MLLT10: variants seen among roughly 807,000 people sequenced by gnomAD.
MLLT10 encodes the protein protein AF-10.
Under a neutral mutation model 129.1 loss-of-function variants are expected in MLLT10, and 30 were observed. That is an observed-to-expected ratio of 0.23 (90% CI 0.17 to 0.32). MLLT10 has a LOEUF of 0.32. Among genes scored for constraint, MLLT10 ranks in the 10% least tolerant of loss-of-function variants. The pLI is 1.00. For missense variants in MLLT10, 1,119 were observed against 1,268.3 expected (o/e 0.88, Z 1.79); for synonymous variants, 490 against 446.4 (o/e 1.10, Z -1.23).
intron 8 of MLLT10, among the ~76,000 whole-genome samples, chr10:21,632,379 T>G (rs527508258): frequency 6.6e-6 from 1 of 152,320 alleles, no homozygotes; most frequent in African/African-American, 2.4e-5. Flanking sequence ...TATCTAATTA[T>G]AGCATCATGG....
At chr10:21,660,921 A>G (rs1375779953) in intron 9 of MLLT10, among the ~76,000 whole-genome samples, 1 of 151,054 alleles carries the variant, frequency 6.6e-6, no homozygotes, top group Non-Finnish European at 1.5e-5. Flanking sequence ...CTTCTTTTCT[A>G]ATATATTCAT....
intron 3 of MLLT10, among the ~76,000 whole-genome samples, chr10:21,561,461 A>G (rs917605079): frequency 1.3e-5 from 2 of 152,124 alleles, no homozygotes; most frequent in African/African-American, 4.8e-5. Context: ...GGGTTTTACC[A>G]TGTTAGCCAG....
chr10:21,726,484 T>C (rs1431979616), intron 15 of MLLT10, 129 bp downstream of exon 15: 3 of 544,330 alleles, frequency 5.5e-6, no homozygotes, highest in Non-Finnish European at 9.4e-6. Context: ...TTTAAAAAAA[T>C]ATTCACAGTT....
chr10:21,714,337 T>G (rs2056367086), intron 14 of MLLT10, among the ~76,000 whole-genome samples: 1 of 69,156 alleles, frequency 1.4e-5, no homozygotes, highest in African/African-American at 9.1e-5. Flanking sequence ...ATGAAATCTT[T>G]TTAAAGTTTT....
chr10:21,684,255 T>A (rs1238898828), intron 13 of MLLT10, among the ~76,000 whole-genome samples: 1 of 152,154 alleles, frequency 6.6e-6, no homozygotes, highest in Non-Finnish European at 1.5e-5. Flanking sequence ...CACACTATTT[T>A]CTCCTTGACT....
chr10:21,579,495 A>G (rs1423537234), intron 3 of MLLT10, among the ~76,000 whole-genome samples: 1 of 146,578 alleles, frequency 6.8e-6, no homozygotes, highest in African/African-American at 2.5e-5. Flanking sequence ...ACTGTCCTGT[A>G]GGTCCCTGAA....
At chr10:21,580,911 A>G (rs2131072402) in intron 3 of MLLT10, among the ~76,000 whole-genome samples, 1 of 129,544 alleles carries the variant, frequency 7.7e-6, no homozygotes, top group African/African-American at 3.0e-5. Context: ...ACGGAGTTTC[A>G]CTATGTTGGC....
At chr10:21,534,176 G>C, upstream of MLLT10, 1 of 386,326 alleles carries the variant, frequency 2.6e-6, no homozygotes, top group Non-Finnish European at 4.6e-6. Context: ...GCGGCAGCGC[G>C]CACGCAGGGC....
At chr10:21,733,336 AAT>A (rs1293910340) in intron 18 of MLLT10, among the ~76,000 whole-genome samples, 166 bp from the exon 19 acceptor site, 1 of 152,172 alleles carries the variant, frequency 6.6e-6, no homozygotes, top group African/African-American at 2.4e-5. Context: ...GATGGTATTC[AAT>A]ATAGATTTTT....
At chr10:21,594,601 T>C (rs2042855346) in intron 4 of MLLT10, among the ~76,000 whole-genome samples, 1 of 142,334 alleles carries the variant, frequency 7.0e-6, no homozygotes, top group Non-Finnish European at 1.5e-5. Context: ...CACCACCGCT[T>C]TCTCTGAAAT....
In MLLT10 at chr10:21,670,522, C is replaced by A; in HGVS notation, c.869C>A (p.Thr290Lys). Residue 290 changes from threonine to lysine, a missense_variant, in exon 10 of 23, where the codon ACA becomes AAA. Thr to Lys is a moderately conservative substitution (Grantham distance 78, BLOSUM62 -1). Around this residue, in one of 5 missense-constraint regions of MLLT10, gnomAD observed 1,004 missense variants for 1,008.7 expected, o/e 1.00. Transcript: ENST00000307729. ...KRLEDTTARF[T>K]NANFQEVSAH... Reference sequence around the variant, plus strand: ...TTGGAAGATACTACTGCACGATTTACAAATGCAAATTTCCAGGAAGTCTCT... The same window carrying A: ...TTGGAAGATACTACTGCACGATTTAAAAATGCAAATTTCCAGGAAGTCTCT... 6.2e-7 allele frequency: 1 copy of A among 1,614,112 alleles called. No individual in the cohort carries two copies. The highest frequency in any genetic ancestry group is 1.1e-5 in the South Asian group (1 of 91,078).
chr10:21,710,473 A>G (rs2055968429), intron 13 of MLLT10, among the ~76,000 whole-genome samples: 1 of 152,204 alleles, frequency 6.6e-6, no homozygotes, highest in Non-Finnish European at 1.5e-5. Context: ...TTATTTCTAT[A>G]ATAATTATGA....
chr10:21,542,949 A>T (rs1472790956), intron 3 of MLLT10, among the ~76,000 whole-genome samples: 1 of 151,310 alleles, frequency 6.6e-6, no homozygotes, highest in Non-Finnish European at 1.5e-5. Context: ...TGTGGGTGAC[A>T]TTAAGGTTTT....
chr10:21,666,303 T>C (rs1436256757), intron 9 of MLLT10, among the ~76,000 whole-genome samples: 1 of 152,180 alleles, frequency 6.6e-6, no homozygotes, highest in Non-Finnish European at 1.5e-5. Flanking sequence ...CACTTATTGT[T>C]TTTTTACATA....
intron 8 of MLLT10, among the ~76,000 whole-genome samples, chr10:21,645,874 C>G (rs1190486561): frequency 6.6e-6 from 1 of 152,176 alleles, no homozygotes; most frequent in Non-Finnish European, 1.5e-5. Flanking sequence ...TTGGACCTGT[C>G]TCTTGGTTGT....
At chr10:21,549,493 A>G (rs530694969) in intron 3 of MLLT10, among the ~76,000 whole-genome samples, 98 of 152,146 alleles carry the variant, frequency 6.4e-4, no homozygotes, top group Non-Finnish European at 9.0e-4. Context: ...TGCTTTTTCT[A>G]TCTTCCTTCT....
chr10:21,686,857 C>T (rs1476437906), intron 13 of MLLT10, among the ~76,000 whole-genome samples: 1 of 152,096 alleles, frequency 6.6e-6, no homozygotes, highest in African/African-American at 2.4e-5. Context: ...TGGTGCGTGT[C>T]TGTAATCCCT....
chr10:21,590,754 A>T (rs1284075867), intron 4 of MLLT10, among the ~76,000 whole-genome samples: 1 of 151,700 alleles, frequency 6.6e-6, no homozygotes, highest in Non-Finnish European at 1.5e-5. Context: ...TTTTATTTTT[A>T]TTTTTTTGAC....
At chr10:21,648,054 C>T (rs1440641524) in intron 8 of MLLT10, among the ~76,000 whole-genome samples, 1 of 152,100 alleles carries the variant, frequency 6.6e-6, no homozygotes, top group Admixed American at 6.6e-5. Context: ...TTAACCAGTT[C>T]TAGTACCATT....
Sources: gnomAD v4.1 joint callset for allele counts (sites outside exome capture counted in the v4.1 genomes callset) on GRCh38, gnomAD v4.1.1 for gene constraint, gnomAD v4.1.1 regional missense constraint, MANE v1.5 for transcripts, NCBI Gene and HGNC (gene_info 2026-07-23, HGNC 2026-07-21) for gene names.